EPSTI1: variants seen among roughly 807,000 people sequenced by gnomAD.
EPSTI1 encodes epithelial-stromal interaction protein 1.
EPSTI1 carries 66 observed loss-of-function variants against 49.9 expected under a neutral mutation model. That is an observed-to-expected ratio of 1.32 (90% CI 1.08 to 1.62). The LOEUF (loss-of-function observed/expected upper bound fraction) is 1.62. EPSTI1 is among the 40% of genes most tolerant of loss of function. The probability of loss-of-function intolerance (pLI) is 0.00; values close to 1 mark genes in which losing one functional copy is unlikely to be tolerated. For missense variants in EPSTI1, 394 were observed against 365.5 expected, an observed-to-expected ratio of 1.08 and a Z score of -0.64; for synonymous variants, 137 against 130.7, an observed-to-expected ratio of 1.05 and a Z score of -0.33.
chr13:42,932,210 G>C (rs566382646), intron 6 of EPSTI1, among the ~76,000 whole-genome samples: 7 of 152,052 alleles, frequency 4.6e-5, no homozygotes, highest in Non-Finnish European at 8.8e-5. Flanking sequence ...TGGGATTACA[G>C]GCACGAGCCA....
intron 6 of EPSTI1, among the ~76,000 whole-genome samples, chr13:42,932,141 C>A (rs117146440): frequency 6.6e-6 from 1 of 151,852 alleles, no homozygotes; most frequent in Non-Finnish European, 1.5e-5. Flanking sequence ...CTGTGTTGCC[C>A]GGGCTGATCT....
chr13:42,912,552 T>A (rs909369209), intron 8 of EPSTI1, among the ~76,000 whole-genome samples: 1 of 152,140 alleles, frequency 6.6e-6, no homozygotes, highest in African/African-American at 2.4e-5. Context: ...TGAGAAAGAA[T>A]TCCATGGGAG....
chr13:42,965,673 G>GTCCCTC (rs2039582209), intron 3 of EPSTI1, among the ~76,000 whole-genome samples: 2 of 72,858 alleles, frequency 2.7e-5, no homozygotes, highest in African/African-American at 9.2e-5. Context: ...ATCAGCTGGA[G>GTCCCTC]TCCCTGTCCC....
chr13:42,971,004 C>G (rs2039754192), intron 1 of EPSTI1, among the ~76,000 whole-genome samples: 1 of 152,184 alleles, frequency 6.6e-6, no homozygotes, highest in South Asian at 2.1e-4. Flanking sequence ...TTGGCATTCT[C>G]TTCTGTGTGA....
intron 8 of EPSTI1, among the ~76,000 whole-genome samples, chr13:42,912,962 A>G (rs1022375991): frequency 5.9e-5 from 9 of 152,156 alleles, no homozygotes; most frequent in Admixed American, 1.3e-4. Context: ...GAGACATAAA[A>G]GAAAATTAGG....
At chr13:42,983,006 A>G (rs888656053) in intron 1 of EPSTI1, among the ~76,000 whole-genome samples, 1 of 152,204 alleles carries the variant, frequency 6.6e-6, no homozygotes, top group Non-Finnish European at 1.5e-5. Context: ...CTCTTCATCA[A>G]ACCTAAGCAT....
intron 6 of EPSTI1, among the ~76,000 whole-genome samples, chr13:42,951,308 C>T (rs2039089134): frequency 1.3e-5 from 2 of 152,224 alleles, no homozygotes; most frequent in Non-Finnish European, 2.9e-5. Flanking sequence ...CTGCTTATTT[C>T]ATGAGTTATT....
intron 6 of EPSTI1, among the ~76,000 whole-genome samples, chr13:42,928,224 T>A (rs753494505): frequency 3.3e-5 from 5 of 152,128 alleles, no homozygotes; most frequent in Non-Finnish European, 7.4e-5. Context: ...ACAAAGGAAG[T>A]CCCATGTTAC....
At chr13:42,903,513 A>G (rs1287121620) in intron 8 of EPSTI1, among the ~76,000 whole-genome samples, 4 of 152,208 alleles carry the variant, frequency 2.6e-5, no homozygotes, top group East Asian at 1.9e-4. Flanking sequence ...ATGTTTACCT[A>G]TGTAACAAAC....
Position 42,888,275 on chromosome 13 carries a change from T to C in EPSTI1, c.*219A>G. ...TTAGAAAAATAATGTAGCATTTCCCTGGCAGTAGAGATTAAATATGAGTTC... is the reference window on the plus strand; with the variant it reads ...TTAGAAAAATAATGTAGCATTTCCCCGGCAGTAGAGATTAAATATGAGTTC... On this transcript the variant is annotated 3_prime_UTR_variant, in exon 11 of 11. Coordinates refer to ENST00000313624, the MANE Select transcript of EPSTI1 (RefSeq NM_033255.5). 6.2e-7 allele frequency: 1 copy of C among 1,613,398 alleles called. No homozygotes were observed. Among genetic ancestry groups the C allele is most frequent in the East Asian group, 2.2e-5 (1 of 44,828 alleles).
chr13:42,990,476 G>A (rs1453819442), intron 1 of EPSTI1, among the ~76,000 whole-genome samples: 1 of 152,198 alleles, frequency 6.6e-6, no homozygotes, highest in East Asian at 1.9e-4. Flanking sequence ...ACAGAAAAAA[G>A]TCATGCAAAT....
intron 1 of EPSTI1, among the ~76,000 whole-genome samples, chr13:42,984,719 C>T (rs2040048046): frequency 6.6e-6 from 1 of 152,220 alleles, no homozygotes; most frequent in Non-Finnish European, 1.5e-5. Context: ...ATCAAACCAT[C>T]ATTTATTCTC....
intron 1 of EPSTI1, among the ~76,000 whole-genome samples, chr13:42,971,302 T>A (rs933201867): frequency 1.3e-5 from 2 of 152,188 alleles, no homozygotes; most frequent in East Asian, 3.9e-4. Flanking sequence ...TAAAATATTG[T>A]GAGCTTTTGA....
chr13:42,978,839 C>T (rs1472567733), intron 1 of EPSTI1, among the ~76,000 whole-genome samples: 3 of 152,164 alleles, frequency 2.0e-5, no homozygotes, highest in Non-Finnish European at 4.4e-5. Flanking sequence ...ACTAGGACAT[C>T]TCCTTTCTTC....
chr13:42,963,289 T>A lies in EPSTI1; in HGVS notation c.455A>T (p.Glu152Val). 1.2e-6 allele frequency: 2 copies of A among 1,613,824 alleles called. No homozygotes were observed. The highest frequency in any genetic ancestry group is 3.3e-5 in the Admixed American group (2 of 59,968). The change falls in exon 5 of 11, where the codon GAA becomes GTA. Residue 152 changes from glutamate to valine, a missense_variant. By Grantham distance (121) the Glu-to-Val change is moderately radical. Coordinates refer to ENST00000313624, the MANE Select transcript of EPSTI1 (RefSeq NM_033255.5). Reference sequence around the variant, plus strand: ...CTGAATTGCCTTCATTTTTTGGAGTTCAGCTTCTTCAGCTTCCTTCTTGAT... The same window carrying A: ...CTGAATTGCCTTCATTTTTTGGAGTACAGCTTCTTCAGCTTCCTTCTTGAT... The part of the protein sequence containing the change: ...VRIKKEAEEA[E>V]LQKMKAIQRE...
At chr13:42,990,973 C>T (rs1411947307) in intron 1 of EPSTI1, 1 of 152,264 alleles carries the variant, frequency 6.6e-6, no homozygotes, top group Non-Finnish European at 1.5e-5. Flanking sequence ...ATGACACTTG[C>T]TTAATAAATG....
chr13:42,973,202 G>A (rs1256946148), intron 1 of EPSTI1, among the ~76,000 whole-genome samples: 1 of 152,170 alleles, frequency 6.6e-6, no homozygotes, highest in Non-Finnish European at 1.5e-5. Context: ...AAGTTTTTAA[G>A]TCCGACATCA....
At chr13:42,910,257 CTTTTTT>C (rs71099807) in intron 8 of EPSTI1, among the ~76,000 whole-genome samples, 3 of 97,642 alleles carry the variant, frequency 3.1e-5, no homozygotes, top group Middle Eastern at 8.6e-3. Flanking sequence ...TTAACCAAAT[CTTTTTT>C]TTTTTTTTTT....
Position 42,906,213 on chromosome 13 carries a change from A to G in EPSTI1, c.742-5830T>C, listed in dbSNP as rs148258815. Among the ~76,000 whole-genome samples the G allele has an allele frequency of 9.2e-5, 14 of 152,360 alleles. No homozygotes were observed. In the East Asian group the frequency reaches 2.7e-3, roughly 29 times the overall value. ...CCATTTCCAGCAAGAGGTTGCAAAC[A>G]TCATTTCTCTGGGCTCCAATTGTCT... On this transcript the variant is annotated intron_variant, in intron 8 of 10. Transcript: ENST00000313624.
Sources: gnomAD v4.1 joint callset for allele counts (sites outside exome capture counted in the v4.1 genomes callset) on GRCh38, gnomAD v4.1.1 for gene constraint, MANE v1.5 for transcripts, NCBI Gene and HGNC (gene_info 2026-07-23, HGNC 2026-07-21) for gene names.